KCND2: variants seen among roughly 807,000 people sequenced by gnomAD.
KCND2 encodes the protein A-type voltage-gated potassium channel KCND2.
Under a neutral mutation model 54.4 loss-of-function variants are expected in KCND2, and 16 were observed. That is an observed-to-expected ratio of 0.29 (90% confidence interval 0.20 to 0.45). KCND2 has a LOEUF of 0.45. Among genes scored for constraint, KCND2 ranks in the 20% least tolerant of loss-of-function variants. KCND2 has a pLI of 1.00. For synonymous variants in KCND2, 317 were observed against 310.7 expected, an observed-to-expected ratio of 1.02 and a Z score of -0.21; for missense variants, 486 against 824.2, an observed-to-expected ratio of 0.59 and a Z score of 5.02.
At chr7:120,338,521 A>G (rs1464071813) in intron 1 of KCND2, among the ~76,000 whole-genome samples, 1 of 152,124 alleles carries the variant, frequency 6.6e-6, no homozygotes, top group East Asian at 1.9e-4. Context: ...GAAGTTAACT[A>G]TAGAATATTC....
intron 1 of KCND2, among the ~76,000 whole-genome samples, chr7:120,309,021 A>G (rs939577968): frequency 8.5e-5 from 13 of 152,196 alleles, no homozygotes; most frequent in African/African-American, 2.7e-4. Context: ...TGGGAAATAT[A>G]TGGGCAGTGG....
chr7:120,399,508 C>T (rs1039536001), intron 1 of KCND2, among the ~76,000 whole-genome samples: 5 of 151,902 alleles, frequency 3.3e-5, no homozygotes, highest in African/African-American at 1.2e-4. Context: ...TTTAACTTCT[C>T]TCTATATAGT....
rs1318176978 is a variant in KCND2 at position 120,750,172 on chromosome 7, T to C, written c.*2314T>C. ...CTGTATTGTAAGTGAAATGTAATTA[T>C]TTCTGTGTACCATATGGAGTAACTA... is the stretch of plus-strand genomic sequence containing the variant. On this transcript the variant is annotated 3_prime_UTR_variant, in exon 6 of 6. Transcript: ENST00000331113. 6.6e-6 allele frequency: 1 copy of C among 152,468 alleles called. No individual in the cohort carries two copies. Among genetic ancestry groups the C allele is most frequent in the Non-Finnish European group, 1.5e-5 (1 of 67,904 alleles). 9.4% of individuals were successfully genotyped at this position (152,468 alleles called of 1,614,324 possible).
At chr7:120,446,256 T>C (rs528776697) in intron 1 of KCND2, among the ~76,000 whole-genome samples, 52 of 152,254 alleles carry the variant, frequency 3.4e-4, no homozygotes, top group African/African-American at 8.9e-4. Context: ...GAGATAGAGT[T>C]TAGCACTACA....
intron 1 of KCND2, among the ~76,000 whole-genome samples, chr7:120,643,126 T>C (rs1793398340): frequency 6.6e-6 from 1 of 152,222 alleles, no homozygotes; most frequent in African/African-American, 2.4e-5. Context: ...TACTGATATC[T>C]TTTACAGAAT....
At chr7:120,425,219 C>A (rs563554976) in intron 1 of KCND2, among the ~76,000 whole-genome samples, 48 of 152,210 alleles carry the variant, frequency 3.2e-4, no homozygotes, top group African/African-American at 1.1e-3. Flanking sequence ...ATGGCTCACC[C>A]CTTCCATCTG....
chr7:120,723,551 G>C (rs1054434251), intron 1 of KCND2, among the ~76,000 whole-genome samples: 2 of 152,114 alleles, frequency 1.3e-5, no homozygotes, highest in Non-Finnish European at 2.9e-5. Flanking sequence ...GGAGTTATTT[G>C]TATTTTAAAA....
At chr7:120,464,715 T>C (rs1802342972) in intron 1 of KCND2, among the ~76,000 whole-genome samples, 1 of 152,198 alleles carries the variant, frequency 6.6e-6, no homozygotes, top group Admixed American at 6.5e-5. Context: ...ATCTAGTTAT[T>C]TGTGGCTGTA....
chr7:120,746,228 T>G (rs1043791658), intron 5 of KCND2, among the ~76,000 whole-genome samples: 5 of 152,190 alleles, frequency 3.3e-5, no homozygotes, highest in African/African-American at 1.2e-4. Flanking sequence ...TATATCAGTA[T>G]TAAAAGAGTC....
chr7:120,674,975 A>G lies in KCND2; in HGVS notation c.1116-57928A>G, dbSNP rs145589990. On this transcript the variant is annotated intron_variant, in intron 1 of 5. Transcript: ENST00000331113. The stretch of plus-strand genomic sequence containing the variant: ...GATTTTCAGTAGTTTTATAATTACT[A>G]TTCACTAAAATTTCATCTTATTCCA... Among the ~76,000 whole-genome samples, 1,058 of 152,092 alleles carry G rather than the reference A, an allele frequency of 7.0e-3. 7 individuals are homozygous for G. The highest frequency in any genetic ancestry group is 0.01 in the Non-Finnish European group (709 of 68,000).
intron 1 of KCND2, among the ~76,000 whole-genome samples, chr7:120,502,679 G>A (rs779693477): frequency 2.0e-5 from 3 of 151,836 alleles, no homozygotes; most frequent in African/African-American, 4.8e-5. Context: ...GCCACACGTC[G>A]GCTACTCTGC....
intron 1 of KCND2, among the ~76,000 whole-genome samples, chr7:120,299,996 A>G (rs1799563298): frequency 6.6e-6 from 1 of 152,204 alleles, no homozygotes; most frequent in Non-Finnish European, 1.5e-5. Flanking sequence ...ATTACTATTT[A>G]TAGTATATAT....
chr7:120,740,862 C>T lies in KCND2; in HGVS notation c.1279-672C>T, dbSNP rs935922690. 3 of 455,782 alleles carry T rather than the reference C, an allele frequency of 6.6e-6. No homozygotes were observed. In the Admixed American group the frequency reaches 7.1e-5, roughly 11 times the overall value. 28.2% of individuals were successfully genotyped at this position (455,782 alleles called of 1,614,324 possible). On this transcript the variant is annotated intron_variant, in intron 2 of 5. Coordinates refer to ENST00000331113, the MANE Select transcript of KCND2 (RefSeq NM_012281.3). ...CAGATGCACATACAGTCGTGCGGAC[C>T]CGTGCCGGTAGACAAAGTAGATAAA...
Position 120,274,611 on chromosome 7 carries a change from C to T in KCND2, c.-22C>T, listed in dbSNP as rs778263656. 3 of 1,614,028 alleles carry T rather than the reference C, an allele frequency of 1.9e-6. No individual in the cohort carries two copies. The highest frequency in any genetic ancestry group is 2.5e-6 in the Non-Finnish European group (3 of 1,180,034). On this transcript the variant is annotated 5_prime_UTR_variant, in exon 1 of 6. Transcript: ENST00000331113. ...CCATTGTAGACGCCTCGTTACCCTT[C>T]TTCCTTCCGCTTCAAGTAATCATGG...
intron 1 of KCND2, among the ~76,000 whole-genome samples, chr7:120,448,911 AT>A (rs1802058945): frequency 6.6e-6 from 1 of 152,242 alleles, no homozygotes; most frequent in African/African-American, 2.4e-5. Context: ...CAGCTTAAAT[AT>A]AGTGACATTC....
At chr7:120,275,806 C>G (rs1295633044) in intron 1 of KCND2, 59 bp downstream of exon 1, 6 of 1,550,952 alleles carry the variant, frequency 3.9e-6, no homozygotes, top group Non-Finnish European at 5.3e-6. Flanking sequence ...GATTGTGGAC[C>G]CATCGAGGTT....
intron 1 of KCND2, among the ~76,000 whole-genome samples, chr7:120,336,135 G>A (rs557702046): frequency 5.9e-5 from 9 of 151,998 alleles, no homozygotes; most frequent in Non-Finnish European, 8.8e-5. Flanking sequence ...GGAATTAGTC[G>A]GAAGTAACCA....
Position 120,570,699 on chromosome 7 carries a change from C to G in KCND2, c.1116-162204C>G, listed in dbSNP as rs1315379397. ...AAAGATGCTTCTCAGGTGAAGGACT[C>G]AACTACTCCATTATTTAGTATAGTT... On this transcript the variant is annotated intron_variant, in intron 1 of 5. Coordinates refer to ENST00000331113, the MANE Select transcript of KCND2 (RefSeq NM_012281.3). 3.3e-5 allele frequency among the ~76,000 whole-genome samples: 5 copies of G among 152,148 alleles called. No individual in the cohort carries two copies. In the South Asian group the frequency reaches 1.0e-3, roughly 32 times the overall value.
chr7:120,732,319 G>A (rs530648236), intron 1 of KCND2, among the ~76,000 whole-genome samples: 1 of 152,138 alleles, frequency 6.6e-6, no homozygotes, highest in Non-Finnish European at 1.5e-5. Flanking sequence ...AATAAAAGGA[G>A]TCTTTCAAGG....
Sources: gnomAD v4.1 joint callset for allele counts (sites outside exome capture counted in the v4.1 genomes callset) on GRCh38, gnomAD v4.1.1 for gene constraint, MANE v1.5 for transcripts, NCBI Gene and HGNC (gene_info 2026-07-23, HGNC 2026-07-21) for gene names.